The following STAG1 variants were observed in gnomAD, a reference collection of about 807,000 sequenced individuals.
STAG1 encodes cohesin subunit SA-1.
A neutral mutation model predicts 170.9 loss-of-function variants in STAG1; 26 were observed. The ratio of observed to expected loss-of-function variants is 0.15; its 90% CI spans 0.11 to 0.21. The LOEUF is 0.21. Among genes scored for constraint, STAG1 ranks in the 10% least tolerant of loss-of-function variants. The pLI is 1.00. For missense variants in STAG1, 964 were observed against 1,509.5 expected (o/e 0.64, Z 5.99); for synonymous variants, 514 against 497.7 (o/e 1.03, Z -0.44).
At chr3:136,477,449 T>A in intron 9 of STAG1, 37 bp from the exon 10 acceptor site, 1 of 1,562,728 alleles carries the variant, frequency 6.4e-7, no homozygotes, top group African/African-American at 1.4e-5. Context: ...CAAATTAATA[T>A]ACAAAGCTAG....
At chr3:136,586,056 A>G (rs1227108231) in intron 4 of STAG1, among the ~76,000 whole-genome samples, 1 of 152,212 alleles carries the variant, frequency 6.6e-6, no homozygotes, top group Non-Finnish European at 1.5e-5. Flanking sequence ...CATGCAGGAT[A>G]ATTTGGCTAG....
chr3:136,675,005 C>CATA (rs1942090788), intron 1 of STAG1, among the ~76,000 whole-genome samples: 1 of 152,106 alleles, frequency 6.6e-6, no homozygotes, highest in Non-Finnish European at 1.5e-5. Flanking sequence ...CCTATTTAAA[C>CATA]ATAATTAAGA....
intron 1 of STAG1, among the ~76,000 whole-genome samples, chr3:136,696,099 A>C (rs1942881770): frequency 6.6e-6 from 1 of 152,196 alleles, no homozygotes; most frequent in African/African-American, 2.4e-5. Context: ...GGAAAGAGAA[A>C]TGTTGCATTA....
intron 21 of STAG1, among the ~76,000 whole-genome samples, chr3:136,399,928 T>A (rs1009399672): frequency 2.6e-5 from 4 of 152,122 alleles, no homozygotes; most frequent in Admixed American, 2.6e-4. Flanking sequence ...GAAACAAACT[T>A]TCTTTTTTTT....
At chr3:136,371,050 T>G (rs1576398825) in intron 23 of STAG1, among the ~76,000 whole-genome samples, 1 of 152,288 alleles carries the variant, frequency 6.6e-6, no homozygotes, top group African/African-American at 2.4e-5. Context: ...TGATCGCCAT[T>G]CTAACTGGTG....
In STAG1 at chr3:136,521,339, C is replaced by T. The variant is rs1934660143; in HGVS notation, c.550G>A (p.Val184Ile). ...CTATACTGACACTGTCGAATCAGGA[C>T]TCCAATAAATTCACAAAAGTTTGAA... ...FRSNFCEFIG[V>I]LIRQCQYSII... Residue 184 changes from valine (V) to isoleucine (I), a missense_variant, in exon 7 of 34, where the codon GTC (valine) becomes ATC (isoleucine). Coordinates refer to ENST00000383202, the MANE Select transcript of STAG1 (RefSeq NM_005862.3). 1 of 1,613,614 alleles carries T rather than the reference C, an allele frequency of 6.2e-7. No individual in the cohort carries two copies. The highest frequency in any genetic ancestry group is 1.3e-5 in the African/African-American group (1 of 74,882).
chr3:136,553,890 C>T (rs944693952), intron 5 of STAG1, among the ~76,000 whole-genome samples: 2 of 151,934 alleles, frequency 1.3e-5, no homozygotes, highest in African/African-American at 4.8e-5. Context: ...AAAGAACAAC[C>T]ACTGGTTCAA....
At chr3:136,683,557 C>T (rs1398119924) in intron 1 of STAG1, among the ~76,000 whole-genome samples, 1 of 152,114 alleles carries the variant, frequency 6.6e-6, no homozygotes, top group African/African-American at 2.4e-5. Flanking sequence ...AGCCACAGTG[C>T]CCAGCCTTCA....
At chr3:136,592,781 G>T (rs1043661314) in intron 4 of STAG1, among the ~76,000 whole-genome samples, 1 of 152,140 alleles carries the variant, frequency 6.6e-6, no homozygotes, top group African/African-American at 2.4e-5. Flanking sequence ...CTGCATTCTG[G>T]GGCTGCCACA....
chr3:136,687,545 G>A (rs944053198), intron 1 of STAG1, among the ~76,000 whole-genome samples: 1 of 151,962 alleles, frequency 6.6e-6, no homozygotes, highest in Non-Finnish European at 1.5e-5. Context: ...TACAAAATCT[G>A]AATAGTTGCA....
At chr3:136,622,615 T>G (rs77554019) in intron 3 of STAG1, among the ~76,000 whole-genome samples, 1 of 152,246 alleles carries the variant, frequency 6.6e-6, no homozygotes, top group Non-Finnish European at 1.5e-5. Context: ...AAAGCAAACA[T>G]AGAACAGTAT....
At chr3:136,694,524 G>C (rs1942820167) in intron 1 of STAG1, among the ~76,000 whole-genome samples, 1 of 151,936 alleles carries the variant, frequency 6.6e-6, no homozygotes, top group African/African-American at 2.4e-5. Context: ...GCTGAGGTGG[G>C]AGGTTCAGTT....
chr3:136,512,160 TAGCCAGGTGTGATGGCAC>T (rs1934102418), intron 7 of STAG1, among the ~76,000 whole-genome samples: 1 of 143,868 alleles, frequency 7.0e-6, no homozygotes, highest in African/African-American at 2.6e-5. Context: ...AAAGGAAAAT[TAGCCAGGTGTGATGGCAC>T]ATGCCTGTAG....
chr3:136,510,671 G>A (rs1390041244), intron 7 of STAG1, among the ~76,000 whole-genome samples: 2 of 151,558 alleles, frequency 1.3e-5, no homozygotes, highest in African/African-American at 4.9e-5. Context: ...GAATGCAGTG[G>A]TGCGATCTCA....
intron 6 of STAG1, among the ~76,000 whole-genome samples, chr3:136,541,003 A>C (rs1935876796): frequency 6.6e-6 from 1 of 151,960 alleles, no homozygotes; most frequent in Non-Finnish European, 1.5e-5. Context: ...AGTTTTACTA[A>C]GTTAATTCTT....
chr3:136,705,621 G>C (rs1943207886), intron 1 of STAG1, among the ~76,000 whole-genome samples: 1 of 151,944 alleles, frequency 6.6e-6, no homozygotes, highest in South Asian at 2.1e-4. Flanking sequence ...AGTCTCATGA[G>C]ATCTGATGGT....
intron 22 of STAG1, among the ~76,000 whole-genome samples, chr3:136,389,454 G>A (rs1188247877): frequency 2.6e-5 from 4 of 151,882 alleles, no homozygotes; most frequent in Non-Finnish European, 5.9e-5. Context: ...CACCACACTT[G>A]GCTAATTTTT....
chr3:136,460,156 G>T (rs78845029), intron 13 of STAG1, among the ~76,000 whole-genome samples: 1 of 152,012 alleles, frequency 6.6e-6, no homozygotes, highest in Admixed American at 6.6e-5. Context: ...AATAAAATCA[G>T]AGACAGAAAA....
chr3:136,571,732 T>C (rs970806703), intron 4 of STAG1, among the ~76,000 whole-genome samples: 11 of 150,088 alleles, frequency 7.3e-5, no homozygotes, highest in Middle Eastern at 3.6e-3. Context: ...CAAAAAAATA[T>C]TAGTGAGGAA....
Sources: allele counts gnomAD v4.1 joint callset (sites outside exome capture counted in the v4.1 genomes callset), GRCh38; gene constraint gnomAD v4.1.1; transcripts MANE v1.5; gene names NCBI Gene and HGNC (gene_info 2026-07-23, HGNC 2026-07-21).